VGLL4: variants seen among roughly 807,000 people sequenced by gnomAD.
VGLL4 encodes the protein transcription cofactor vestigial-like protein 4.
A neutral mutation model predicts 21.0 loss-of-function variants in VGLL4; 7 were observed. That is an observed-to-expected ratio of 0.33 (90% CI 0.19 to 0.63). VGLL4 has a LOEUF of 0.63. Among genes scored for constraint, VGLL4 ranks in the 20% least tolerant of loss-of-function variants. The pLI is 0.78. For synonymous variants in VGLL4, 222 were observed against 173.2 expected (o/e 1.28, Z -2.21); for missense variants, 394 against 425.7 (o/e 0.93, Z 0.66).
At chr3:11,608,799 A>C (rs530851157) in intron 1 of VGLL4, among the ~76,000 whole-genome samples, 7 of 152,348 alleles carry the variant, frequency 4.6e-5, no homozygotes, top group Admixed American at 2.6e-4. Context: ...TTTCAGTGGT[A>C]CATAAAATAA....
At chr3:11,711,179 C>T (rs1481994201) in intron 1 of VGLL4, among the ~76,000 whole-genome samples, 2 of 151,846 alleles carry the variant, frequency 1.3e-5, no homozygotes, top group Non-Finnish European at 2.9e-5. Context: ...CCGAGGTGGG[C>T]AGATTACCTG....
At chr3:11,582,908 TAGGACTC>T (rs2074270488) in intron 2 of VGLL4, among the ~76,000 whole-genome samples, 1 of 152,130 alleles carries the variant, frequency 6.6e-6, no homozygotes. Context: ...GCTTTTCTCT[TAGGACTC>T]AGGCTGCCAC....
At chr3:11,681,031 C>A (rs1213023582) in intron 2 of VGLL4, among the ~76,000 whole-genome samples, 1 of 152,072 alleles carries the variant, frequency 6.6e-6, no homozygotes, top group Admixed American at 6.6e-5. Context: ...CCCTCAGAAA[C>A]GTGCTAGTCC....
chr3:11,668,557 A>G (rs2076160027), intron 2 of VGLL4, among the ~76,000 whole-genome samples: 1 of 152,176 alleles, frequency 6.6e-6, no homozygotes, highest in Non-Finnish European at 1.5e-5. Flanking sequence ...TGAGAAGGAC[A>G]GGCCTATCCC....
At position 11,606,413 on chromosome 3, in the gene VGLL4, C is replaced by G. The variant is rs543693520; in HGVS notation, c.83-4391G>C. Among the ~76,000 whole-genome samples the G allele has an allele frequency of 9.2e-5, 14 of 152,286 alleles. No individual in the cohort carries two copies. In the South Asian group the frequency reaches 1.9e-3, roughly 20 times the overall value. ...TAACACCTGTTAGGATGGCTATGAT[C>G]AAAAGACAATACAAAAGTGTTAGCA... is the stretch of plus-strand genomic sequence containing the variant. On this transcript the variant is annotated intron_variant, in intron 1 of 4. Coordinates refer to ENST00000430365, the MANE Select transcript of VGLL4 (RefSeq NM_001128219.3).
At chr3:11,578,748 CTTTTTTTTTTT>C (rs71044228) in intron 2 of VGLL4, among the ~76,000 whole-genome samples, 23 of 104,708 alleles carry the variant, frequency 2.2e-4, no homozygotes, top group Middle Eastern at 7.4e-3. Flanking sequence ...TGTATATTTT[CTTTTTTTTTTT>C]TTTTTTTTGA....
At chr3:11,563,177 A>C (rs1337624526) in intron 3 of VGLL4, among the ~76,000 whole-genome samples, 1 of 152,188 alleles carries the variant, frequency 6.6e-6, no homozygotes, top group Non-Finnish European at 1.5e-5. Flanking sequence ...GCTCACAGTT[A>C]TGTCCCCCAG....
chr3:11,658,482 T>C (rs2075987721), intron 2 of VGLL4, among the ~76,000 whole-genome samples: 2 of 151,728 alleles, frequency 1.3e-5, no homozygotes, highest in South Asian at 4.1e-4. Flanking sequence ...TTCGTAATAT[T>C]TAACCAAACA....
rs1457803180 is a variant in VGLL4 at position 11,556,658 on chromosome 3, A to G, written c.*1898T>C. 6.5e-6 allele frequency: 1 copy of G among 152,702 alleles called. No homozygotes were observed. The highest frequency in any genetic ancestry group is 1.5e-5 in the Non-Finnish European group (1 of 68,038). 9.5% of individuals were successfully genotyped at this position (152,702 alleles called of 1,614,324 possible). A position where few individuals can be genotyped will look rare whatever the true frequency, so the allele number is the denominator to read the frequency against. ...AAAAAAAATGAATGATTACAATAGG[A>G]AAGGGAAAAATTAAATAGCTACATA... On this transcript the variant is annotated 3_prime_UTR_variant, in exon 5 of 5. Transcript: ENST00000430365.
intron 2 of VGLL4, among the ~76,000 whole-genome samples, chr3:11,671,690 T>C (rs1030414629): frequency 6.6e-6 from 1 of 152,120 alleles, no homozygotes; most frequent in African/African-American, 2.4e-5. Flanking sequence ...CTAAAGGGAC[T>C]CATTCTGAAG....
At chr3:11,655,802 G>A (rs1282706386) in intron 2 of VGLL4, among the ~76,000 whole-genome samples, 3 of 152,122 alleles carry the variant, frequency 2.0e-5, no homozygotes, top group Non-Finnish European at 4.4e-5. Flanking sequence ...CTCAGAGGAC[G>A]CAGGCAGGTG....
At chr3:11,698,643 C>T (rs1001268130) in intron 2 of VGLL4, among the ~76,000 whole-genome samples, 7 of 152,206 alleles carry the variant, frequency 4.6e-5, no homozygotes, top group Admixed American at 3.3e-4. Flanking sequence ...TCCAGGGTTA[C>T]CCTAGACACT....
chr3:11,644,218 T>A (rs1223193225), upstream of VGLL4, among the ~76,000 whole-genome samples: 1 of 152,112 alleles, frequency 6.6e-6, no homozygotes, highest in Non-Finnish European at 1.5e-5. Flanking sequence ...CAAACTCCCA[T>A]GGAATGCAAC....
At chr3:11,582,545 A>G (rs1411430547) in intron 2 of VGLL4, among the ~76,000 whole-genome samples, 1 of 152,244 alleles carries the variant, frequency 6.6e-6, no homozygotes. Context: ...GTGCCTTGCC[A>G]AAACGCTACA....
chr3:11,627,595 CAA>C (rs57607183), intron 1 of VGLL4, among the ~76,000 whole-genome samples: 1,946 of 118,712 alleles, frequency 0.016, 10 homozygotes, highest in Middle Eastern at 0.026. Flanking sequence ...AACTTCATCT[CAA>C]AAAAAAAAAA....
chr3:11,611,077 T>C (rs6804585), intron 1 of VGLL4, among the ~76,000 whole-genome samples: 15,006 of 139,574 alleles, frequency 0.11, 1,170 homozygotes, highest in African/African-American at 0.22. Context: ...GATGCTTCAC[T>C]GGTTGAGGAA....
chr3:11,558,419 C>A lies in VGLL4; in HGVS notation c.*137G>T. 1.5e-6 allele frequency: 2 copies of A among 1,358,860 alleles called. No individual in the cohort carries two copies. The highest frequency in any genetic ancestry group is 1.9e-6 in the Non-Finnish European group (2 of 1,026,170). 84.2% of individuals were successfully genotyped at this position (1,358,860 alleles called of 1,614,324 possible). ...TACAAAAACAGAACACAAATCCCAA[C>A]AACATGGTTTTTGCAAATAAACCAT... On this transcript the variant is annotated 3_prime_UTR_variant, in exon 5 of 5. Coordinates refer to ENST00000430365, the MANE Select transcript of VGLL4 (RefSeq NM_001128219.3).
At chr3:11,680,503 G>A (rs1222813413) in intron 2 of VGLL4, among the ~76,000 whole-genome samples, 1 of 152,092 alleles carries the variant, frequency 6.6e-6, no homozygotes, top group Non-Finnish European at 1.5e-5. Flanking sequence ...GGGCTGTGCG[G>A]GAGACCAGTA....
At chr3:11,629,483 C>T (rs776384269) in intron 1 of VGLL4, among the ~76,000 whole-genome samples, 81 of 152,050 alleles carry the variant, frequency 5.3e-4, no homozygotes, top group Non-Finnish European at 9.9e-4. Context: ...GGGGCTGGAA[C>T]TGGGGGCTCA....
Sources: allele counts gnomAD v4.1 joint callset (sites outside exome capture counted in the v4.1 genomes callset), GRCh38; gene constraint gnomAD v4.1.1; transcripts MANE v1.5; gene names NCBI Gene and HGNC (gene_info 2026-07-23, HGNC 2026-07-21).